The following RALGAPB variants were observed in gnomAD, a reference collection of about 807,000 sequenced individuals.
The protein encoded by RALGAPB is ral GTPase-activating protein subunit beta.
Under a neutral mutation model 161.1 loss-of-function variants are expected in RALGAPB, and 25 were observed. The observed-to-expected ratio is 0.16, with a 90% CI of 0.11 to 0.22. The LOEUF is 0.22. Among genes scored for constraint, RALGAPB ranks in the 10% least tolerant of loss-of-function variants. The probability of loss-of-function intolerance (pLI) is 1.00; values close to 1 mark genes in which losing one functional copy is unlikely to be tolerated. For synonymous variants in RALGAPB, 629 were observed against 626.1 expected (o/e 1.00, Z -0.07); for missense variants, 1,391 against 1,815.2 (o/e 0.77, Z 4.25).
At chr20:38,538,873 A>G (rs1288048214) in intron 16 of RALGAPB, among the ~76,000 whole-genome samples, 1 of 152,232 alleles carries the variant, frequency 6.6e-6, no homozygotes, top group Non-Finnish European at 1.5e-5. Flanking sequence ...ATACACCTAC[A>G]TATGACCCAA....
chr20:38,473,442 G>A (rs1342920670), intron 1 of RALGAPB, among the ~76,000 whole-genome samples: 2 of 152,216 alleles, frequency 1.3e-5, no homozygotes, highest in East Asian at 3.8e-4. Context: ...GGACGATGCT[G>A]CCCATTGCAC....
At chr20:38,484,135 G>T (rs141544081) in intron 1 of RALGAPB, among the ~76,000 whole-genome samples, 8 of 152,090 alleles carry the variant, frequency 5.3e-5, no homozygotes, top group Non-Finnish European at 1.2e-4. Flanking sequence ...CCAAGATGGC[G>T]CTATTGCACT....
At position 38,497,507 on chromosome 20, in the gene RALGAPB, A is replaced by G. The variant is rs771064120; in HGVS notation, c.544A>G (p.Thr182Ala). The G allele has an allele frequency of 8.7e-6, 14 of 1,607,164 alleles. No individual in the cohort carries two copies. Among genetic ancestry groups the G allele is most frequent in the Middle Eastern group, 3.3e-4 (2 of 6,020 alleles). Residue 182 changes from threonine (T) to alanine (A), a missense_variant, in exon 4 of 30, where the codon ACT (threonine) becomes GCT (alanine). Physicochemically the swap from Thr to Ala is moderately conservative, Grantham distance 58 (BLOSUM62 0). This residue lies in a region of RALGAPB where 946 missense variants were observed against 1,257.2 expected (regional missense o/e 0.75). Transcript: ENST00000262879. ...TAACGACATACTTCTGGCCCCACCA[A>G]CTGTTCAAGGTTTGTTTATTTTTTT... ...QINDILLAPPTVQGGIAENLA... is the reference protein window; with the variant it reads ...QINDILLAPPAVQGGIAENLA...
chr20:38,560,107 T>G (rs2087734391), intron 23 of RALGAPB, among the ~76,000 whole-genome samples: 5 of 108,918 alleles, frequency 4.6e-5, no homozygotes, highest in African/African-American at 3.3e-4. Context: ...TATGAGAAAG[T>G]TTTTTTTTTT....
At position 38,531,147 on chromosome 20, in the gene RALGAPB, C is replaced by T. The variant is rs1208868965; in HGVS notation, c.2051-20C>T. ...GTTCTTGTGTATTTTATATAAAATA[C>T]TGTTTTATTGTTGTTGTAGGGGCAA... is the stretch of plus-strand genomic sequence containing the variant. On this transcript the variant is annotated intron_variant, in intron 13 of 29. Transcript: ENST00000262879. The T allele has an allele frequency of 1.3e-6, 2 of 1,570,870 alleles. No homozygotes were observed. Among genetic ancestry groups the T allele is most frequent in the African/African-American group, 2.7e-5 (2 of 73,894 alleles).
intron 24 of RALGAPB, among the ~76,000 whole-genome samples, chr20:38,564,336 C>T (rs2087905031): frequency 6.6e-6 from 1 of 152,186 alleles, no homozygotes; most frequent in Non-Finnish European, 1.5e-5. Flanking sequence ...GGCAAAGACC[C>T]TGTGGCTTAC....
intron 12 of RALGAPB, 124 bp from the exon 13 acceptor site, chr20:38,525,771 C>T (rs2086444742): frequency 9.9e-7 from 1 of 1,010,646 alleles, no homozygotes; most frequent in South Asian, 1.6e-5. Context: ...AGATTCAGCA[C>T]AGTGGCTAAT....
At chr20:38,482,996 C>G (rs1238081819) in intron 1 of RALGAPB, among the ~76,000 whole-genome samples, 1 of 152,186 alleles carries the variant, frequency 6.6e-6, no homozygotes, top group Non-Finnish European at 1.5e-5. Flanking sequence ...AAGTGATCCT[C>G]CCACTTCAGC....
At position 38,517,539 on chromosome 20, in the gene RALGAPB, C is replaced by A; in HGVS notation, c.1085C>A (p.Pro362Gln). 3.7e-6 allele frequency: 6 copies of A among 1,610,320 alleles called. No homozygotes were observed. Among genetic ancestry groups the A allele is most frequent in the Non-Finnish European group, 5.1e-6 (6 of 1,178,784 alleles). ...ISRPRSDSAPPTPVNRLSMPQ... is the reference protein window; with the variant it reads ...ISRPRSDSAPQTPVNRLSMPQ... ...AGACCCCGATCAGACAGTGCTCCCCCAACACCCGTGAATAGATTAAGTATG... is the reference window on the plus strand; with the variant it reads ...AGACCCCGATCAGACAGTGCTCCCCAAACACCCGTGAATAGATTAAGTATG... The change falls in exon 8 of 30, where the codon CCA becomes CAA. Residue 362 changes from proline to glutamine, a missense_variant. Physicochemically the swap from Pro to Gln is moderately conservative, Grantham distance 76. This residue lies in a region of RALGAPB where 946 missense variants were observed against 1,257.2 expected (regional missense o/e 0.75). Transcript: ENST00000262879.
At chr20:38,503,012 G>A (rs2085642434) in intron 5 of RALGAPB, among the ~76,000 whole-genome samples, 1 of 152,212 alleles carries the variant, frequency 6.6e-6, no homozygotes, top group Non-Finnish European at 1.5e-5. Flanking sequence ...TGGTGCAAAA[G>A]TAATTGCGGC....
At chr20:38,496,835 A>G (rs1423466178) in intron 3 of RALGAPB, among the ~76,000 whole-genome samples, 2 of 152,224 alleles carry the variant, frequency 1.3e-5, no homozygotes, top group Non-Finnish European at 2.9e-5. Flanking sequence ...TTGGGGACCT[A>G]TTAGGCTATT....
chr20:38,538,626 C>T (rs1397061340), intron 16 of RALGAPB, among the ~76,000 whole-genome samples: 3 of 152,014 alleles, frequency 2.0e-5, no homozygotes, highest in Admixed American at 2.0e-4. Context: ...GATGTTTTAT[C>T]AGAGATGATA....
intron 25 of RALGAPB, among the ~76,000 whole-genome samples, chr20:38,565,791 G>A (rs932504094): frequency 2.0e-5 from 3 of 151,836 alleles, no homozygotes; most frequent in South Asian, 2.1e-4. Context: ...CTCTAATTAC[G>A]AGTGATCCCT....
chr20:38,509,956 G>C (rs916212896), intron 6 of RALGAPB, among the ~76,000 whole-genome samples: 2 of 151,876 alleles, frequency 1.3e-5, no homozygotes, highest in African/African-American at 4.8e-5. Flanking sequence ...GTGTTTTTCA[G>C]CTGTCAGTGA....
chr20:38,552,363 A>T (rs1343947749), intron 21 of RALGAPB, among the ~76,000 whole-genome samples: 3 of 151,920 alleles, frequency 2.0e-5, no homozygotes, highest in Non-Finnish European at 2.9e-5. Flanking sequence ...CCGGTCTCGA[A>T]CTCCTGACCT....
intron 18 of RALGAPB, among the ~76,000 whole-genome samples, chr20:38,545,923 G>A (rs1455864070): frequency 1.3e-5 from 2 of 152,178 alleles, no homozygotes; most frequent in Non-Finnish European, 2.9e-5. Flanking sequence ...TGCTGGTAAG[G>A]GAGTAGGTCA....
chr20:38,554,880 C>T (rs749068489), intron 22 of RALGAPB, among the ~76,000 whole-genome samples: 2 of 152,118 alleles, frequency 1.3e-5, no homozygotes, highest in Non-Finnish European at 2.9e-5. Flanking sequence ...GAGTTCGAGA[C>T]CAGTCTGGGC....
intron 1 of RALGAPB, among the ~76,000 whole-genome samples, chr20:38,487,067 A>G (rs1451293972): frequency 1.3e-5 from 2 of 152,250 alleles, no homozygotes; most frequent in African/African-American, 4.8e-5. Context: ...GAGTCAAGAA[A>G]GGTTTTACCA....
At chr20:38,559,631 T>A (rs944208077) in intron 23 of RALGAPB, among the ~76,000 whole-genome samples, 2 of 152,064 alleles carry the variant, frequency 1.3e-5, no homozygotes, top group Admixed American at 1.3e-4. Context: ...GAAGCAGAGG[T>A]TGCAGTGAGC....
Sources: allele counts gnomAD v4.1 joint callset (sites outside exome capture counted in the v4.1 genomes callset), GRCh38; gene constraint gnomAD v4.1.1; regional missense constraint gnomAD v4.1.1; transcripts MANE v1.5; gene names NCBI Gene and HGNC (gene_info 2026-07-23, HGNC 2026-07-21).